Variants in H2AZ2 observed in about 807,000 individuals in gnomAD.
H2AZ2 encodes histone H2A.V.
A neutral mutation model predicts 15.5 loss-of-function variants in H2AZ2; 5 were observed. The observed-to-expected ratio is 0.32, with a 90% CI of 0.17 to 0.68. The LOEUF (loss-of-function observed/expected upper bound fraction) is 0.68. H2AZ2 is among the 30% of genes least tolerant of loss of function. The probability of loss-of-function intolerance (pLI) is 0.72; values close to 1 mark genes in which losing one functional copy is unlikely to be tolerated. For synonymous variants in H2AZ2, 44 were observed against 57.4 expected (o/e 0.77, Z 1.05); for missense variants, 42 against 162.5 (o/e 0.26, Z 4.03).
chr7:44,840,436 T>C (rs562649173), intron 3 of H2AZ2, among the ~76,000 whole-genome samples: 164 of 152,116 alleles, frequency 1.1e-3, no homozygotes, highest in African/African-American at 3.9e-3. Context: ...TACATTGGCA[T>C]TGGGTAATAG....
At chr7:44,840,445 A>C (rs1418962804) in intron 3 of H2AZ2, among the ~76,000 whole-genome samples, 1 of 152,122 alleles carries the variant, frequency 6.6e-6, no homozygotes, top group Non-Finnish European at 1.5e-5. Flanking sequence ...ATTGGGTAAT[A>C]GCTGACAAGA....
At chr7:44,841,514 T>A (rs1316616958) in intron 2 of H2AZ2, among the ~76,000 whole-genome samples, 1 of 152,192 alleles carries the variant, frequency 6.6e-6, no homozygotes, top group Non-Finnish European at 1.5e-5. Flanking sequence ...GTGCCCTTTA[T>A]TATTTTTTTT....
At chr7:44,844,750 G>A (rs1793357391) in intron 1 of H2AZ2, among the ~76,000 whole-genome samples, 1 of 152,104 alleles carries the variant, frequency 6.6e-6, no homozygotes, top group Non-Finnish European at 1.5e-5. Flanking sequence ...TGTACTTAAT[G>A]CCACTGAACT....
intron 1 of H2AZ2, among the ~76,000 whole-genome samples, chr7:44,845,139 CT>C (rs756013868): frequency 4.4e-4 from 67 of 152,106 alleles, no homozygotes; most frequent in Admixed American, 9.2e-4. Flanking sequence ...AAAATTACCC[CT>C]GTATACTTCC....
At chr7:44,839,443 G>A (rs1465363538) in intron 3 of H2AZ2, among the ~76,000 whole-genome samples, 1 of 152,012 alleles carries the variant, frequency 6.6e-6, no homozygotes, top group East Asian at 1.9e-4. Flanking sequence ...TTGGGAGGTG[G>A]AGGTGGGTGG....
intron 3 of H2AZ2, among the ~76,000 whole-genome samples, chr7:44,839,013 G>A (rs1401828883): frequency 6.6e-6 from 1 of 152,172 alleles, no homozygotes; most frequent in Admixed American, 6.5e-5. Flanking sequence ...TGGGGAAAGT[G>A]GTGGTCTGTG....
chr7:44,834,277 C>G lies in H2AZ2; in HGVS notation c.*224G>C, dbSNP rs900092021. 5.5e-6 allele frequency: 7 copies of G among 1,263,822 alleles called. No individual in the cohort carries two copies. In the South Asian group the frequency reaches 1.6e-4, roughly 30 times the overall value. The allele number at this position is 1,263,822 out of a possible 1,614,324, so 78.3% of individuals were successfully genotyped here. The stretch of plus-strand genomic sequence containing the variant: ...CAATTCCATTTTTGTATAAAACACA[C>G]GGGAGAAACCTAGCCAATCAACACA... On this transcript the variant is annotated 3_prime_UTR_variant, in exon 5 of 5. Coordinates refer to ENST00000308153, the MANE Select transcript of H2AZ2 (RefSeq NM_012412.5).
chr7:44,832,362 T>C lies in H2AZ2; in HGVS notation c.*2139A>G, dbSNP rs1458105214. On this transcript the variant is annotated 3_prime_UTR_variant, in exon 5 of 5. Transcript: ENST00000308153. ...TCTGATCACACAGACATGAAAATAC[T>C]ATGCCTGTTAATGGGACTCAAACTG... Among the ~76,000 whole-genome samples the C allele has an allele frequency of 6.6e-6, 1 of 152,108 alleles. No homozygotes were observed. The highest frequency in any genetic ancestry group is 1.5e-5 in the Non-Finnish European group (1 of 68,012).
chr7:44,834,593 A>G (rs1305242796), intron 4 of H2AZ2, 31 bp from the exon 5 acceptor site: 1 of 1,564,900 alleles, frequency 6.4e-7, no homozygotes, highest in Admixed American at 1.8e-5. Context: ...GTTATTAAAA[A>G]CTTTTAAAGT....
At position 44,836,107 on chromosome 7, in the gene H2AZ2, C is replaced by T. The variant is rs1189283149; in HGVS notation, c.196-449G>A. Among the ~76,000 whole-genome samples the T allele has an allele frequency of 2.6e-5, 4 of 151,960 alleles. No homozygotes were observed. The East Asian group carries it at 5.8e-4, about 22-fold the overall frequency. ...TCCTGAGCTGCTGTGACCAGGTGAG[C>T]GCCACCAAACCCGGCTTTTTTGTAT... On this transcript the variant is annotated intron_variant, in intron 3 of 4. Coordinates refer to ENST00000308153, the MANE Select transcript of H2AZ2 (RefSeq NM_012412.5).
rs374344180 is a variant in H2AZ2, at chr7:44,835,458, A to G, written c.325+71T>C. On this transcript the variant is annotated intron_variant, in intron 4 of 4. Transcript: ENST00000308153. Reference sequence around the variant, plus strand: ...TTCTAGTTAACCGATCAAATATACTATATCATTGATCTGAACGATATATTA... The same window carrying G: ...TTCTAGTTAACCGATCAAATATACTGTATCATTGATCTGAACGATATATTA... 4 of 1,272,984 alleles carry G rather than the reference A, an allele frequency of 3.1e-6. No individual in the cohort carries two copies. In the South Asian group the frequency reaches 4.2e-5, roughly 13 times the overall value. 78.9% of individuals were successfully genotyped at this position (1,272,984 alleles called of 1,614,324 possible).
At position 44,832,644 on chromosome 7, in the gene H2AZ2, T is replaced by C. The variant is rs949366876; in HGVS notation, c.*1857A>G. 7.9e-5 allele frequency among the ~76,000 whole-genome samples: 12 copies of C among 152,182 alleles called. No homozygotes were observed. The highest frequency in any genetic ancestry group is 1.5e-4 in the Non-Finnish European group (10 of 68,030). Reference sequence around the variant, plus strand: ...TCTAAGGGTCAATTAACTAGTACATTAACTCAAGTAACAGTTACTTAGCGC... The same window carrying C: ...TCTAAGGGTCAATTAACTAGTACATCAACTCAAGTAACAGTTACTTAGCGC... On this transcript the variant is annotated 3_prime_UTR_variant, in exon 5 of 5. Coordinates refer to ENST00000308153, the MANE Select transcript of H2AZ2 (RefSeq NM_012412.5).
chr7:44,837,834 G>C (rs917022366), intron 3 of H2AZ2, among the ~76,000 whole-genome samples: 927 of 76,226 alleles, frequency 0.012, 8 homozygotes, highest in African/African-American at 0.027. Flanking sequence ...AAAAAAAAGG[G>C]GGGGGGGGCT....
intron 3 of H2AZ2, among the ~76,000 whole-genome samples, chr7:44,839,911 G>T (rs1793231030): frequency 6.6e-6 from 1 of 151,696 alleles, no homozygotes; most frequent in African/African-American, 2.4e-5. Context: ...GCTGAGGCAG[G>T]AGAATTGCTT....
At chr7:44,839,454 C>T (rs1246342720) in intron 3 of H2AZ2, among the ~76,000 whole-genome samples, 1 of 150,912 alleles carries the variant, frequency 6.6e-6, no homozygotes, top group South Asian at 2.1e-4. Context: ...AGGTGGGTGG[C>T]TCACGAGGTC....
downstream of H2AZ2, chr7:44,829,376 G>A (rs1344357331): frequency 3.3e-5 from 5 of 152,174 alleles, no homozygotes; most frequent in African/African-American, 1.2e-4. Flanking sequence ...TTAGACGGGC[G>A]GATCGCCTGA....
chr7:44,834,044 TA>T lies in H2AZ2; in HGVS notation c.*456del. Reference sequence around the variant, plus strand: ...GGCAGGTTTTTTCCTTAGTCGTTTGTAAAAAATGGTGCTACAGATCAATAGC... The same window carrying T: ...GGCAGGTTTTTTCCTTAGTCGTTTGTAAAAATGGTGCTACAGATCAATAGC... On this transcript the variant is annotated 3_prime_UTR_variant, in exon 5 of 5. Transcript: ENST00000308153. The T allele has an allele frequency of 3.7e-6, 2 of 543,294 alleles. No homozygotes were observed. Among genetic ancestry groups the T allele is most frequent in the African/African-American group, 2.1e-5 (1 of 48,648 alleles). 33.7% of individuals were successfully genotyped at this position (543,294 alleles called of 1,614,324 possible). A position where few individuals can be genotyped will look rare whatever the true frequency, so the allele number is the denominator to read the frequency against.
chr7:44,838,744 T>C lies in H2AZ2; in HGVS notation c.195+2155A>G, dbSNP rs535540080. 2.0e-5 allele frequency among the ~76,000 whole-genome samples: 3 copies of C among 152,300 alleles called. No homozygotes were observed. The South Asian group carries it at 6.2e-4, about 32-fold the overall frequency. ...ACTATCCATAACATCCATAATTCGA[T>C]GTTAAATCCCCAGTGGGACACAGAT... is the stretch of plus-strand genomic sequence containing the variant. On this transcript the variant is annotated intron_variant, in intron 3 of 4. Transcript: ENST00000308153.
intron 4 of H2AZ2, chr7:44,834,796 T>C: frequency 2.7e-6 from 1 of 370,708 alleles, no homozygotes. Context: ...TTTTTTTTTT[T>C]TTTTTTTTGA....
Sources: gnomAD v4.1 joint callset for allele counts (sites outside exome capture counted in the v4.1 genomes callset) on GRCh38, gnomAD v4.1.1 for gene constraint, MANE v1.5 for transcripts, NCBI Gene and HGNC (gene_info 2026-07-23, HGNC 2026-07-21) for gene names.